Variants in NKAIN3 observed in about 807,000 individuals in gnomAD.
NKAIN3 encodes the protein sodium/potassium transporting ATPase interacting 3.
In NKAIN3, 25 loss-of-function variants were observed where a neutral mutation model predicts 30.2. The observed-to-expected ratio is 0.83, with a 90% CI of 0.60 to 1.16. The LOEUF is 1.16. NKAIN3 is among the 50% of genes most tolerant of loss of function. NKAIN3 has a pLI of 0.00. For missense variants in NKAIN3, 225 were observed against 254.1 expected (o/e 0.89, Z 0.78); for synonymous variants, 91 against 89.6 (o/e 1.02, Z -0.09).
intron 4 of NKAIN3, among the ~76,000 whole-genome samples, chr8:62,902,631 G>T (rs1821647112): frequency 6.6e-6 from 1 of 152,192 alleles, no homozygotes; most frequent in African/African-American, 2.4e-5. Flanking sequence ...GTAGTCATGT[G>T]ACACATTTAT....
At chr8:62,423,698 A>G (rs1258372772) in intron 1 of NKAIN3, among the ~76,000 whole-genome samples, 1 of 151,854 alleles carries the variant, frequency 6.6e-6, no homozygotes, top group Non-Finnish European at 1.5e-5. Context: ...CTTTTTCTCA[A>G]TTCTCCTGAA....
chr8:62,460,837 G>A (rs750573534), intron 1 of NKAIN3, among the ~76,000 whole-genome samples: 4 of 152,204 alleles, frequency 2.6e-5, no homozygotes, highest in African/African-American at 4.8e-5. Context: ...CAATTGGAGG[G>A]AAGTATTTTA....
intron 3 of NKAIN3, among the ~76,000 whole-genome samples, chr8:62,690,674 G>T (rs1296157356): frequency 6.6e-6 from 1 of 152,184 alleles, no homozygotes; most frequent in Non-Finnish European, 1.5e-5. Context: ...CTCCCAGCCA[G>T]CTTCTCAATT....
chr8:62,782,000 C>T (rs1242166112), intron 4 of NKAIN3, among the ~76,000 whole-genome samples: 1 of 151,942 alleles, frequency 6.6e-6, no homozygotes, highest in African/African-American at 2.4e-5. Flanking sequence ...AGTGAAAAGA[C>T]AACCTCTTGA....
At chr8:62,604,289 C>T (rs1254442864) in intron 3 of NKAIN3, among the ~76,000 whole-genome samples, 1 of 152,140 alleles carries the variant, frequency 6.6e-6, no homozygotes, top group African/African-American at 2.4e-5. Flanking sequence ...GAGCTAGAAT[C>T]GCCTTTGCCC....
chr8:62,592,751 A>G (rs1322385685), intron 3 of NKAIN3, among the ~76,000 whole-genome samples: 1 of 151,994 alleles, frequency 6.6e-6, no homozygotes, highest in Non-Finnish European at 1.5e-5. Context: ...AATTAAAAAG[A>G]TGGAAAATAT....
chr8:62,377,424 A>T (rs1489038296), intron 1 of NKAIN3, among the ~76,000 whole-genome samples: 2 of 152,156 alleles, frequency 1.3e-5, no homozygotes, highest in South Asian at 2.1e-4. Context: ...TTTTGAGTGT[A>T]AGAGCAAAGG....
chr8:62,773,204 T>G (rs1273890197), intron 4 of NKAIN3, among the ~76,000 whole-genome samples: 1 of 152,116 alleles, frequency 6.6e-6, no homozygotes, highest in Non-Finnish European at 1.5e-5. Context: ...ATACTTGAGT[T>G]TTTTAATTCA....
At position 62,563,741 on chromosome 8, in the gene NKAIN3, G is replaced by T. The variant is rs564465817; in HGVS notation, c.55-15798G>T. ...AATAACCCAAAAGTTATTTTTAGCA[G>T]GCTTTAGGTTTCTCTACAGGATGTT... On this transcript the variant is annotated intron_variant, in intron 1 of 6. Coordinates refer to ENST00000623646, the MANE Select transcript of NKAIN3 (RefSeq NM_001304533.3). 6.2e-4 allele frequency among the ~76,000 whole-genome samples: 95 copies of T among 152,204 alleles called. 1 individual carries two copies. Among genetic ancestry groups the T allele is most frequent in the African/African-American group, 2.0e-3 (82 of 41,540 alleles).
intron 4 of NKAIN3, among the ~76,000 whole-genome samples, chr8:62,842,569 A>C (rs1408204258): frequency 6.6e-6 from 1 of 152,174 alleles, no homozygotes; most frequent in African/African-American, 2.4e-5. Context: ...TTGAGCAAAA[A>C]GAACAAAGCT....
chr8:62,861,334 AT>A (rs888007344), intron 4 of NKAIN3, among the ~76,000 whole-genome samples: 7 of 152,074 alleles, frequency 4.6e-5, no homozygotes, highest in Admixed American at 3.9e-4. Flanking sequence ...GACAATCTCA[AT>A]TTTTTATCAA....
At position 62,709,809 on chromosome 8, in the gene NKAIN3, C is replaced by T. The variant is rs540113114; in HGVS notation, c.274-37123C>T. Among the ~76,000 whole-genome samples the T allele has an allele frequency of 6.6e-5, 10 of 151,928 alleles. No homozygotes were observed. The East Asian group carries it at 1.9e-3, about 29-fold the overall frequency. On this transcript the variant is annotated intron_variant, in intron 3 of 6. Coordinates refer to ENST00000623646, the MANE Select transcript of NKAIN3 (RefSeq NM_001304533.3). ...TTTCTCTAGTTCCTTGATTTGTGACCTTGGAACGTTAGTTTTTGCTCTTTC... is the reference window on the plus strand; with the variant it reads ...TTTCTCTAGTTCCTTGATTTGTGACTTTGGAACGTTAGTTTTTGCTCTTTC...
chr8:62,725,491 G>A (rs1328042720), intron 3 of NKAIN3, among the ~76,000 whole-genome samples: 4 of 152,050 alleles, frequency 2.6e-5, no homozygotes, highest in Admixed American at 2.6e-4. Context: ...TCTTTTAGTA[G>A]TTTCATAGTT....
intron 1 of NKAIN3, among the ~76,000 whole-genome samples, chr8:62,421,230 C>T (rs1440464038): frequency 6.6e-6 from 1 of 152,172 alleles, no homozygotes; most frequent in Non-Finnish European, 1.5e-5. Context: ...GTACTAACCT[C>T]TGGCTATAGC....
At chr8:62,629,413 G>A (rs563425714) in intron 3 of NKAIN3, among the ~76,000 whole-genome samples, 1 of 152,034 alleles carries the variant, frequency 6.6e-6, no homozygotes, top group Non-Finnish European at 1.5e-5. Context: ...ACTATGCCAG[G>A]CACTGTTGTA....
intron 3 of NKAIN3, among the ~76,000 whole-genome samples, chr8:62,606,587 A>T (rs1057098208): frequency 3.3e-5 from 5 of 152,112 alleles, no homozygotes; most frequent in Non-Finnish European, 7.4e-5. Flanking sequence ...AGCCACAGAA[A>T]TTCAATTTGG....
chr8:62,758,309 G>A (rs557414201), intron 4 of NKAIN3, among the ~76,000 whole-genome samples: 222 of 152,224 alleles, frequency 1.5e-3, no homozygotes, highest in African/African-American at 4.8e-3. Context: ...TGAGACAACT[G>A]TTGAAAGTTG....
At chr8:62,434,256 A>T (rs1328920265) in intron 1 of NKAIN3, among the ~76,000 whole-genome samples, 4 of 152,202 alleles carry the variant, frequency 2.6e-5, no homozygotes, top group African/African-American at 9.6e-5. Context: ...CACAAAGTTG[A>T]GCAGCATTTA....
At chr8:62,777,561 CTT>C (rs1489952263) in intron 4 of NKAIN3, among the ~76,000 whole-genome samples, 3 of 152,060 alleles carry the variant, frequency 2.0e-5, no homozygotes, top group Non-Finnish European at 4.4e-5. Context: ...ATTTCAGTCT[CTT>C]TGTTAAATTT....
Sources: allele counts gnomAD v4.1 joint callset (sites outside exome capture counted in the v4.1 genomes callset), GRCh38; gene constraint gnomAD v4.1.1; transcripts MANE v1.5; gene names NCBI Gene and HGNC (gene_info 2026-07-23, HGNC 2026-07-21).